ROCK1: variants seen among roughly 807,000 people sequenced by gnomAD.
The protein encoded by ROCK1 is rho-associated protein kinase 1.
Under a neutral mutation model 196.8 loss-of-function variants are expected in ROCK1, and 36 were observed. The observed-to-expected ratio is 0.18, with a 90% CI of 0.14 to 0.24. The LOEUF is 0.24. Ranked by LOEUF, ROCK1 falls within the 10% of genes least tolerant of loss-of-function variation. The pLI is 1.00. For missense variants in ROCK1, 920 were observed against 1,562.0 expected, an observed-to-expected ratio of 0.59 and a Z score of 6.93; for synonymous variants, 443 against 515.9, an observed-to-expected ratio of 0.86 and a Z score of 1.91.
intron 21 of ROCK1, among the ~76,000 whole-genome samples, chr18:20,981,190 C>T (rs2035529345): frequency 6.6e-6 from 1 of 151,790 alleles, no homozygotes; most frequent in African/African-American, 2.4e-5. Context: ...GTCAGGAGAT[C>T]GAAACCATCC....
chr18:20,994,229 A>C (rs935745145), intron 16 of ROCK1, among the ~76,000 whole-genome samples: 1 of 152,232 alleles, frequency 6.6e-6, no homozygotes, highest in East Asian at 1.9e-4. Context: ...TTGACCAAAA[A>C]TACAGAGTAT....
At chr18:21,046,707 G>T (rs2143513091) in intron 4 of ROCK1, among the ~76,000 whole-genome samples, 1 of 152,148 alleles carries the variant, frequency 6.6e-6, no homozygotes, top group South Asian at 2.1e-4. Flanking sequence ...GTAAATACAA[G>T]AAGTTTAGAA....
chr18:21,110,937 T>C lies in ROCK1; in HGVS notation c.-27A>G. 6.4e-7 allele frequency: 1 copy of C among 1,573,116 alleles called. No individual in the cohort carries two copies. The highest frequency in any genetic ancestry group is 8.7e-7 in the Non-Finnish European group (1 of 1,143,416). ...TTGCTGCTGCTGTGACAATGCCCTC[T>C]TACCAGCACCAGCAGCGGAAAGCAA... On this transcript the variant is annotated 5_prime_UTR_variant, in exon 1 of 33. Transcript: ENST00000399799.
Position 20,967,893 on chromosome 18 carries a change from A to G in ROCK1, c.3051T>C (p.Ile1017=). The G allele has an allele frequency of 1.9e-6, 3 of 1,586,658 alleles. No individual in the cohort carries two copies. Among genetic ancestry groups the G allele is most frequent in the Non-Finnish European group, 1.7e-6 (2 of 1,165,396 alleles). Residue 1017 remains isoleucine (I), a synonymous_variant, in exon 26 of 33, where the codon ATT becomes ATC. Transcript: ENST00000399799. ...AEIMNRKDFK[I]DRKKANTQDL... ...CTTGTGTATTAGCTTTCTTTCTATCAATTTTAAAATCTTTTCGATTCATTA... is the reference window on the plus strand; with the variant it reads ...CTTGTGTATTAGCTTTCTTTCTATCGATTTTAAAATCTTTTCGATTCATTA...
chr18:21,076,251 C>A (rs549660662), intron 1 of ROCK1, among the ~76,000 whole-genome samples: 1 of 152,268 alleles, frequency 6.6e-6, no homozygotes. Flanking sequence ...TGCCTGTAAT[C>A]CCAGCACTTT....
At position 21,020,251 on chromosome 18, in the gene ROCK1, A is replaced by AACAC. The variant is rs777199521; in HGVS notation, c.1273-13_1273-12insGTGT. Reference sequence around the variant, plus strand: ...TGCAAACTTTCCTGCTTTAATTTAAAACAAAAACAAAAACTCATTCTACTA... The same window carrying AACAC: ...TGCAAACTTTCCTGCTTTAATTTAAAACACACAAAAACAAAAACTCATTCTACTA... On this transcript the variant is annotated splice_polypyrimidine_tract_variant and intron_variant, in intron 11 of 32. Coordinates refer to ENST00000399799, the MANE Select transcript of ROCK1 (RefSeq NM_005406.3). 7.2e-7 allele frequency: 1 copy of AACAC among 1,394,648 alleles called. No homozygotes were observed. The highest frequency in any genetic ancestry group is 1.3e-5 in the South Asian group (1 of 78,362). The allele number at this position is 1,394,648 out of a possible 1,614,324, so 86.4% of individuals were successfully genotyped here. A position where few individuals can be genotyped will look rare whatever the true frequency, so the allele number is the denominator to read the frequency against.
At chr18:21,028,643 T>C (rs1444995667) in intron 10 of ROCK1, 133 bp downstream of exon 10, 4 of 741,436 alleles carry the variant, frequency 5.4e-6, no homozygotes, top group Non-Finnish European at 6.3e-6. Context: ...ACTGGAAATA[T>C]CATGCATCAA....
At chr18:21,084,836 A>C (rs1448582498) in intron 1 of ROCK1, among the ~76,000 whole-genome samples, 1 of 152,248 alleles carries the variant, frequency 6.6e-6, no homozygotes, top group Non-Finnish European at 1.5e-5. Context: ...AAAATAGCTC[A>C]AGGTAGAAAC....
At chr18:21,087,499 A>G (rs916204039) in intron 1 of ROCK1, among the ~76,000 whole-genome samples, 20 of 152,210 alleles carry the variant, frequency 1.3e-4, no homozygotes, top group African/African-American at 4.8e-4. Context: ...CCATGCAAAT[A>G]TTAATCAAAA....
intron 10 of ROCK1, among the ~76,000 whole-genome samples, chr18:21,025,975 A>G (rs186620784): frequency 1.5e-4 from 23 of 152,348 alleles, no homozygotes; most frequent in Admixed American, 1.4e-3. Context: ...TAGGACAAAT[A>G]GTATAATAAA....
chr18:21,045,901 T>TC (rs2036152470), intron 4 of ROCK1, among the ~76,000 whole-genome samples: 1 of 58,856 alleles, frequency 1.7e-5, no homozygotes, highest in Non-Finnish European at 3.9e-5. Flanking sequence ...TTTCAGCTGT[T>TC]TTTTTTTTTT....
chr18:21,094,477 C>T (rs968757489), intron 1 of ROCK1, among the ~76,000 whole-genome samples: 2 of 151,962 alleles, frequency 1.3e-5, no homozygotes, highest in African/African-American at 4.8e-5. Context: ...CCAAAGAAGA[C>T]GTCTATCATG....
At chr18:20,960,920 G>A (rs2035320740) in intron 27 of ROCK1, among the ~76,000 whole-genome samples, 1 of 152,072 alleles carries the variant, frequency 6.6e-6, no homozygotes, top group African/African-American at 2.4e-5. Flanking sequence ...TTAAGTTTCT[G>A]ATATCACAAT....
At chr18:20,971,780 G>C (rs1281600723) in intron 22 of ROCK1, among the ~76,000 whole-genome samples, 2 of 151,418 alleles carry the variant, frequency 1.3e-5, no homozygotes, top group African/African-American at 4.9e-5. Context: ...GGGCCGTACA[G>C]GCAATTTAAA....
chr18:21,070,235 G>C (rs2036372353), intron 2 of ROCK1, among the ~76,000 whole-genome samples: 1 of 152,026 alleles, frequency 6.6e-6, no homozygotes, highest in African/African-American at 2.4e-5. Flanking sequence ...CAGCTTTCAT[G>C]GAGAAAAATT....
chr18:21,002,758 T>C (rs1456618291), intron 16 of ROCK1, among the ~76,000 whole-genome samples: 2 of 152,184 alleles, frequency 1.3e-5, no homozygotes, highest in East Asian at 3.9e-4. Flanking sequence ...GTTGTTGTTT[T>C]TGAGACAGGG....
intron 13 of ROCK1, among the ~76,000 whole-genome samples, chr18:21,008,882 A>G (rs1568382271): frequency 6.6e-6 from 1 of 152,212 alleles, no homozygotes; most frequent in Admixed American, 6.5e-5. Flanking sequence ...GACATTATAT[A>G]TAACAATAGT....
At position 20,992,201 on chromosome 18, in the gene ROCK1, T is replaced by C. The variant is rs1338788319; in HGVS notation, c.1992+630A>G. Among the ~76,000 whole-genome samples, 4 of 152,148 alleles carry C rather than the reference T, an allele frequency of 2.6e-5. No individual in the cohort carries two copies. In the East Asian group the frequency reaches 5.8e-4, roughly 22 times the overall value. On this transcript the variant is annotated intron_variant, in intron 17 of 32. Coordinates refer to ENST00000399799, the MANE Select transcript of ROCK1 (RefSeq NM_005406.3). Reference sequence around the variant, plus strand: ...GCTTGGCCATCAAAAACTATTCTAATTGTGACAAAACATGTCCAAAGGACA... The same window carrying C: ...GCTTGGCCATCAAAAACTATTCTAACTGTGACAAAACATGTCCAAAGGACA...
chr18:21,092,017 AG>A (rs768184371), intron 1 of ROCK1, among the ~76,000 whole-genome samples: 5 of 152,144 alleles, frequency 3.3e-5, no homozygotes, highest in Admixed American at 6.5e-5. Context: ...AAATTTGGGG[AG>A]GAGTCAAAGT....
Sources: gnomAD v4.1 joint callset for allele counts (sites outside exome capture counted in the v4.1 genomes callset) on GRCh38, gnomAD v4.1.1 for gene constraint, MANE v1.5 for transcripts, NCBI Gene and HGNC (gene_info 2026-07-23, HGNC 2026-07-21) for gene names.